Variants in MED15 observed in about 807,000 individuals in gnomAD.
MED15 encodes the protein mediator complex subunit 15.
Under a neutral mutation model 118.7 loss-of-function variants are expected in MED15, and 41 were observed. The observed-to-expected ratio is 0.35, with a 90% CI of 0.27 to 0.45. The LOEUF (loss-of-function observed/expected upper bound fraction) is 0.45. Among genes scored for constraint, MED15 ranks in the 20% least tolerant of loss-of-function variants. The pLI, the probability that MED15 is intolerant of heterozygous loss-of-function variation, is 1.00. For missense variants in MED15, 740 were observed against 1,025.5 expected, an observed-to-expected ratio of 0.72 and a Z score of 3.80; for synonymous variants, 436 against 413.9, an observed-to-expected ratio of 1.05 and a Z score of -0.65.
chr22:20,566,941 C>G, intron 7 of MED15, 124 bp downstream of exon 7: 1 of 1,499,606 alleles, frequency 6.7e-7, no homozygotes, highest in South Asian at 1.3e-5. Flanking sequence ...AGGCAGCCCC[C>G]ACCCCTTGCC....
At chr22:20,518,956 G>A (rs936936974) in intron 1 of MED15, 7 of 438,998 alleles carry the variant, frequency 1.6e-5, no homozygotes, top group Non-Finnish European at 3.2e-5. Context: ...GGGCTCAAGC[G>A]ATCCTCCCAC....
intron 5 of MED15, 83 bp downstream of exon 5, chr22:20,555,231 A>G (rs1170789465): frequency 1.3e-5 from 17 of 1,335,968 alleles, no homozygotes; most frequent in Non-Finnish European, 1.5e-5. Flanking sequence ...GATGGTATCA[A>G]GAAAAGCATG....
rs1364135802 is a variant in MED15, at chr22:20,507,654, G to T, written c.-25G>T. ...CGGCGGTGGCGGCCAAGCGGGATAC[G>T]GGCGGCGGGAGCTGGGGAACAGGCA... On this transcript the variant is annotated 5_prime_UTR_variant, in exon 1 of 18. Coordinates refer to ENST00000263205, the MANE Select transcript of MED15 (RefSeq NM_001003891.3). 2.5e-6 allele frequency: 4 copies of T among 1,613,674 alleles called. No homozygotes were observed. In the Admixed American group the frequency reaches 6.7e-5, roughly 27 times the overall value.
intron 7 of MED15, 49 bp downstream of exon 7, chr22:20,566,866 C>A: frequency 6.3e-7 from 1 of 1,593,976 alleles, no homozygotes. Flanking sequence ...GTGGCTCTGT[C>A]AGCAGTAGTT....
rs567629411 is a variant in MED15 at position 20,574,986 on chromosome 22, C to T, written c.1153-127C>T. 296 of 1,439,266 alleles carry T rather than the reference C, an allele frequency of 2.1e-4. 1 individual carries two copies. Among genetic ancestry groups the T allele is most frequent in the South Asian group, 8.2e-4 (65 of 79,142 alleles). 89.2% of individuals were successfully genotyped at this position (1,439,266 alleles called of 1,614,324 possible). A position where few individuals can be genotyped will look rare whatever the true frequency, so the allele number is the denominator to read the frequency against. ...GGTGGCCTCCCCTCCCAGGCTGCCC[C>T]GAGCTGCCCAAGCTTTCCTTGCCCT... On this transcript the variant is annotated intron_variant, in intron 8 of 17. Transcript: ENST00000263205.
rs1156940873 is a variant in MED15, at chr22:20,575,240, C to T, written c.1272+8C>T. The T allele has an allele frequency of 4.3e-6, 7 of 1,612,762 alleles. No individual in the cohort carries two copies. The East Asian group carries it at 6.7e-5, about 15-fold the overall frequency. On this transcript the variant is annotated splice_region_variant and intron_variant, in intron 9 of 17. Transcript: ENST00000263205. ...AGACAGCCCATGGCACAGGTATTTA[C>T]GGGGCAGCGCCCAGGGCACGGCTGG...
At chr22:20,544,866 G>A (rs572645198) in intron 2 of MED15, among the ~76,000 whole-genome samples, 25 of 149,054 alleles carry the variant, frequency 1.7e-4, no homozygotes, top group Admixed American at 3.3e-4. Context: ...CCAGCATCAC[G>A]AGGTAAATAC....
At chr22:20,584,295 G>A in intron 13 of MED15, 64 bp from the exon 14 acceptor site, 1 of 1,540,812 alleles carries the variant, frequency 6.5e-7, no homozygotes, top group Non-Finnish European at 9.0e-7. Context: ...GCAGTAGTTG[G>A]GATCCTGAGC....
chr22:20,553,084 GA>G (rs1390943549), intron 3 of MED15, 60 bp from the exon 4 acceptor site: 7 of 1,521,386 alleles, frequency 4.6e-6, no homozygotes, highest in Non-Finnish European at 4.5e-6. Context: ...CCTACCCATG[GA>G]AATATGTGGT....
chr22:20,515,520 T>G (rs1461559099), intron 1 of MED15, among the ~76,000 whole-genome samples: 2 of 152,158 alleles, frequency 1.3e-5, no homozygotes, highest in African/African-American at 4.8e-5. Context: ...CTGGGCGTAG[T>G]GGCTCACGCC....
chr22:20,523,372 A>G (rs1268687370), intron 1 of MED15, among the ~76,000 whole-genome samples: 1 of 151,868 alleles, frequency 6.6e-6, no homozygotes, highest in Non-Finnish European at 1.5e-5. Context: ...AAAAAAGTTC[A>G]TTATGGACTT....
Position 20,586,623 on chromosome 22 carries a change from G to A in MED15, c.2286G>A (p.Gln762=), listed in dbSNP as rs1364785991. 6 of 1,612,924 alleles carry A rather than the reference G, an allele frequency of 3.7e-6. No individual in the cohort carries two copies. The highest frequency in any genetic ancestry group is 3.3e-5 in the Admixed American group (2 of 60,000). ...GCTGCATGACCTCCAGGCTGCTGCAGCTCCCGGACAAGCACTCGGTCACCG... is the reference window on the plus strand; with the variant it reads ...GCTGCATGACCTCCAGGCTGCTGCAACTCCCGGACAAGCACTCGGTCACCG... The part of the protein sequence containing the change: ...VHRCMTSRLL[Q]LPDKHSVTAL... Residue 762 remains glutamine (Q), a synonymous_variant, in exon 18 of 18, where the codon CAG becomes CAA. Coordinates refer to ENST00000263205, the MANE Select transcript of MED15 (RefSeq NM_001003891.3).
intron 5 of MED15, among the ~76,000 whole-genome samples, chr22:20,563,938 T>G (rs2056335400): frequency 6.6e-6 from 1 of 152,220 alleles, no homozygotes; most frequent in Non-Finnish European, 1.5e-5. Context: ...ATAAGCAGTT[T>G]TCATAATAGC....
chr22:20,517,198 A>G (rs550082245), intron 1 of MED15, among the ~76,000 whole-genome samples: 1 of 151,636 alleles, frequency 6.6e-6, no homozygotes, highest in South Asian at 2.1e-4. Flanking sequence ...TTTGCCTCCC[A>G]AAGTGTTGGA....
At chr22:20,548,274 G>A (rs1380638941) in intron 2 of MED15, among the ~76,000 whole-genome samples, 1 of 152,018 alleles carries the variant, frequency 6.6e-6, no homozygotes, top group Non-Finnish European at 1.5e-5. Context: ...CAATTCTCCT[G>A]CCTCAGCCTC....
intron 1 of MED15, among the ~76,000 whole-genome samples, chr22:20,515,045 GC>G (rs1437441345): frequency 6.6e-6 from 1 of 152,148 alleles, no homozygotes; most frequent in African/African-American, 2.4e-5. Flanking sequence ...CACTTTCATA[GC>G]CCCAGTGCCC....
At position 20,584,366 on chromosome 22, in the gene MED15, C is replaced by G. The variant is rs1334167314; in HGVS notation, c.1744C>G (p.Leu582Val). 1 of 1,613,758 alleles carries G rather than the reference C, an allele frequency of 6.2e-7. No homozygotes were observed. Among genetic ancestry groups the G allele is most frequent in the Non-Finnish European group, 8.5e-7 (1 of 1,179,826 alleles). Residue 582 changes from leucine to valine, a missense_variant, in exon 14 of 18, where the codon CTG becomes GTG. Coordinates refer to ENST00000263205, the MANE Select transcript of MED15 (RefSeq NM_001003891.3). ...AGTCCTCTCTCTCTGCAGGTGTCCC[C>G]TGAAGACCTTGCAAAAGTGTGAGAT... ...ILTDPSKRCP[L>V]KTLQKCEIAL...
At chr22:20,507,824 C>A in intron 1 of MED15, 78 bp downstream of exon 1, 1 of 1,585,696 alleles carries the variant, frequency 6.3e-7, no homozygotes, top group Non-Finnish European at 8.6e-7. Context: ...GGGCCGGACC[C>A]GTGAGAAACC....
At chr22:20,527,453 G>GTT (rs138020269) in intron 1 of MED15, among the ~76,000 whole-genome samples, 13 of 147,698 alleles carry the variant, frequency 8.8e-5, no homozygotes, top group Admixed American at 2.0e-4. Flanking sequence ...AAATTCTACC[G>GTT]TTTTTTTTGA....
Sources: allele counts gnomAD v4.1 joint callset (sites outside exome capture counted in the v4.1 genomes callset), GRCh38; gene constraint gnomAD v4.1.1; transcripts MANE v1.5; gene names NCBI Gene and HGNC (gene_info 2026-07-23, HGNC 2026-07-21).